KIAA1549L: variants seen among roughly 807,000 people sequenced by gnomAD.
KIAA1549L encodes KIAA1549 like.
KIAA1549L carries 88 observed loss-of-function variants against 160.7 expected under a neutral mutation model. That is an observed-to-expected ratio of 0.55 (90% CI 0.46 to 0.65). The LOEUF is 0.65. KIAA1549L is among the 30% of genes least tolerant of loss of function. The pLI, the probability that KIAA1549L is intolerant of heterozygous loss-of-function variation, is 0.00. For synonymous variants in KIAA1549L, 950 were observed against 976.7 expected, an observed-to-expected ratio of 0.97 and a Z score of 0.51; for missense variants, 2,258 against 2,437.5, an observed-to-expected ratio of 0.93 and a Z score of 1.55.
intron 11 of KIAA1549L, among the ~76,000 whole-genome samples, chr11:33,587,931 A>G (rs1849929564): frequency 6.6e-6 from 1 of 152,182 alleles, no homozygotes; most frequent in Non-Finnish European, 1.5e-5. Context: ...CAAGATAGGA[A>G]GCTGCAGAAG....
chr11:33,478,988 T>G (rs948461735), intron 1 of KIAA1549L, among the ~76,000 whole-genome samples: 3 of 152,236 alleles, frequency 2.0e-5, no homozygotes, highest in African/African-American at 7.2e-5. Context: ...TTGGGCATGT[T>G]GCCCCTAAGG....
At position 33,542,605 on chromosome 11, in the gene KIAA1549L, A is replaced by C; in HGVS notation, c.1042A>C (p.Met348Leu). The C allele has an allele frequency of 6.2e-7, 1 of 1,613,904 alleles. No individual in the cohort carries two copies. ...GSSTPGFLSPMAELSHPSPPP... is the reference protein window; with the variant it reads ...GSSTPGFLSPLAELSHPSPPP... ...ATCCACACCTGGGTTTTTGAGCCCC[A>C]TGGCAGAACTGTCCCATCCGTCTCC... Residue 348 changes from methionine (M) to leucine (L), a missense_variant, in exon 2 of 21, where the codon ATG (methionine) becomes CTG (leucine). Physicochemically the swap from Met to Leu is conservative, Grantham distance 15 (BLOSUM62 2). Transcript: ENST00000658780.
At chr11:33,624,367 G>C (rs958112337) in intron 16 of KIAA1549L, among the ~76,000 whole-genome samples, 48 of 152,162 alleles carry the variant, frequency 3.2e-4, no homozygotes, top group Non-Finnish European at 2.9e-4. Context: ...GAGTCCACTA[G>C]TTCCTTACAA....
At chr11:33,425,360 A>G (rs1395851379) in intron 1 of KIAA1549L, among the ~76,000 whole-genome samples, 1 of 152,176 alleles carries the variant, frequency 6.6e-6, no homozygotes, top group African/African-American at 2.4e-5. Context: ...TGCAGCAAAT[A>G]AAGTGCAGTC....
chr11:33,472,275 C>CTTTTTT (rs76771436), intron 1 of KIAA1549L, among the ~76,000 whole-genome samples: 4 of 102,766 alleles, frequency 3.9e-5, no homozygotes, highest in Non-Finnish European at 7.9e-5. Context: ...TCATGCCTGG[C>CTTTTTT]TTTTTTTTTT....
At chr11:33,654,194 G>A (rs10836091) in intron 17 of KIAA1549L, among the ~76,000 whole-genome samples, 53 of 151,646 alleles carry the variant, frequency 3.5e-4, no homozygotes, top group Admixed American at 2.0e-4. Flanking sequence ...GGATGGTTTC[G>A]ATCTTCTGAC....
chr11:33,632,247 G>A (rs1189652129), intron 16 of KIAA1549L, among the ~76,000 whole-genome samples: 1 of 152,110 alleles, frequency 6.6e-6, no homozygotes, highest in Non-Finnish European at 1.5e-5. Flanking sequence ...ATCCACAGGT[G>A]GACTCTGGTA....
intron 17 of KIAA1549L, among the ~76,000 whole-genome samples, chr11:33,649,342 G>GA (rs375655355): frequency 0.013 from 1,645 of 122,494 alleles, 33 homozygotes; most frequent in African/African-American, 0.05. Flanking sequence ...TCTCTACGGG[G>GA]GAAAAAAAAA....
intron 18 of KIAA1549L, 36 bp from the exon 19 acceptor site, chr11:33,658,714 G>A (rs1173766702): frequency 2.6e-6 from 4 of 1,557,162 alleles, no homozygotes; most frequent in South Asian, 2.4e-5. Context: ...CCTGAGGTCT[G>A]GGACAGTGCT....
chr11:33,584,031 G>A (rs1855731437), intron 11 of KIAA1549L, among the ~76,000 whole-genome samples: 1 of 152,178 alleles, frequency 6.6e-6, no homozygotes, highest in African/African-American at 2.4e-5. Flanking sequence ...TAGGTCATGA[G>A]GGTGAAACCT....
intron 12 of KIAA1549L, among the ~76,000 whole-genome samples, chr11:33,595,352 G>A (rs1055652049): frequency 6.6e-6 from 1 of 152,042 alleles, no homozygotes; most frequent in Admixed American, 6.6e-5. Flanking sequence ...TCAGCCTCCC[G>A]AGTAGCTGGG....
At position 33,376,173 on chromosome 11, in the gene KIAA1549L, G is replaced by A. The variant is rs1849947701; in HGVS notation, c.-479G>A. Among the ~76,000 whole-genome samples, 1 of 149,662 alleles carries A rather than the reference G, an allele frequency of 6.7e-6. No homozygotes were observed. Among genetic ancestry groups the A allele is most frequent in the Non-Finnish European group, 1.5e-5 (1 of 67,090 alleles). ...CCCGGGAACCCGAGCCGGAGCCGGG[G>A]CTGGAACCCGAAGCCCAGCGAGGAG... On this transcript the variant is annotated 5_prime_UTR_variant, in exon 1 of 21. Coordinates refer to ENST00000658780, the MANE Select transcript of KIAA1549L (RefSeq NM_012194.3). The surrounding 1 kb of genome is among the most constrained non-coding windows in gnomAD (Gnocchi z 5.8).
At chr11:33,435,826 A>G (rs1005197748) in intron 1 of KIAA1549L, among the ~76,000 whole-genome samples, 2 of 60,056 alleles carry the variant, frequency 3.3e-5, no homozygotes, top group African/African-American at 1.8e-4. Context: ...GTGTATATAT[A>G]TATATGTATA....
At chr11:33,459,170 C>T (rs768972260) in intron 1 of KIAA1549L, among the ~76,000 whole-genome samples, 3 of 152,258 alleles carry the variant, frequency 2.0e-5, no homozygotes, top group Middle Eastern at 3.4e-3. Flanking sequence ...AATTGATAAT[C>T]GTGTGGAAGA....
rs1852661757 is a variant in KIAA1549L, at chr11:33,671,097, T to C, written c.*2943T>C. The C allele has an allele frequency of 6.6e-6, 1 of 152,240 alleles. No individual in the cohort carries two copies. The highest frequency in any genetic ancestry group is 2.1e-4 in the South Asian group (1 of 4,830). 9.4% of individuals were successfully genotyped at this position (152,240 alleles called of 1,614,324 possible). ...ATACAGTGTATAGAGGATGATGCAT[T>C]TGTGGCATAATAAATAGTTTTCAGT... On this transcript the variant is annotated 3_prime_UTR_variant, in exon 21 of 21. Transcript: ENST00000658780.
chr11:33,461,042 A>C (rs1851930865), intron 1 of KIAA1549L, among the ~76,000 whole-genome samples: 2 of 152,166 alleles, frequency 1.3e-5, no homozygotes, highest in Non-Finnish European at 2.9e-5. Flanking sequence ...GGTATTTGAA[A>C]ATAGGTAAAA....
intron 1 of KIAA1549L, among the ~76,000 whole-genome samples, chr11:33,377,585 A>G (rs1849982973): frequency 6.6e-6 from 1 of 152,144 alleles, no homozygotes; most frequent in Non-Finnish European, 1.5e-5. Flanking sequence ...TGTGCTTCAA[A>G]ACTTAAGCTG....
chr11:33,381,600 G>C (rs1194879717), intron 1 of KIAA1549L, among the ~76,000 whole-genome samples: 1 of 152,196 alleles, frequency 6.6e-6, no homozygotes, highest in Non-Finnish European at 1.5e-5. Flanking sequence ...TAGTTGGAGT[G>C]AGATGGTCAG....
chr11:33,560,011 T>C (rs1457325000), intron 7 of KIAA1549L, 100 bp downstream of exon 7: 3 of 1,077,306 alleles, frequency 2.8e-6, no homozygotes, highest in Non-Finnish European at 4.1e-6. Flanking sequence ...ACCACCTTTA[T>C]CATAAAGTGA....
Sources: allele counts gnomAD v4.1 joint callset (sites outside exome capture counted in the v4.1 genomes callset), GRCh38; gene constraint gnomAD v4.1.1; non-coding constraint Gnocchi (gnomAD v3.1); transcripts MANE v1.5; gene names NCBI Gene and HGNC (gene_info 2026-07-23, HGNC 2026-07-21).